NEURL1B: variants seen among roughly 807,000 people sequenced by gnomAD.
NEURL1B encodes E3 ubiquitin-protein ligase NEURL1B.
A neutral mutation model predicts 37.4 loss-of-function variants in NEURL1B; 13 were observed. The observed-to-expected ratio is 0.35, with a 90% CI of 0.23 to 0.55. NEURL1B has a LOEUF of 0.55. Among genes scored for constraint, NEURL1B ranks in the 20% least tolerant of loss-of-function variants. NEURL1B has a pLI of 0.89. For synonymous variants in NEURL1B, 432 were observed against 426.6 expected, an observed-to-expected ratio of 1.01 and a Z score of -0.16; for missense variants, 790 against 879.2, an observed-to-expected ratio of 0.90 and a Z score of 1.28.
chr5:172,668,038 A>T (rs958967983), intron 1 of NEURL1B, among the ~76,000 whole-genome samples: 6 of 151,950 alleles, frequency 3.9e-5, no homozygotes, highest in African/African-American at 1.5e-4. Flanking sequence ...TCTCTGCTCC[A>T]AAGCCACTCA....
Position 172,686,729 on chromosome 5 carries a change from C to G in NEURL1B, c.1472C>G (p.Ser491Cys). The change falls in exon 5 of 5, where the codon TCC (serine) becomes TGC (cysteine). Residue 491 changes from serine to cysteine, a missense_variant. Physicochemically the swap from Ser to Cys is moderately radical, Grantham distance 112. Around this residue, in one of 3 missense-constraint regions of NEURL1B, gnomAD observed 115 missense variants for 162.6 expected, o/e 0.71. Coordinates refer to ENST00000369800, the MANE Select transcript of NEURL1B (RefSeq NM_001142651.3). This position sits in a 1 kb window ranked among gnomAD's most constrained non-coding sequence, Gnocchi z 7.9. ...PLSPPVSPVF[S>C]PPEPAGIKNG... ...AGCCCCCCGGTGTCCCCCGTGTTCT[C>G]CCCACCGGAGCCGGCAGGCATCAAG... 1 of 1,551,360 alleles carries G rather than the reference C, an allele frequency of 6.4e-7. No individual in the cohort carries two copies. The highest frequency in any genetic ancestry group is 1.7e-4 in the Middle Eastern group (1 of 5,990).
rs191888839 is a variant in NEURL1B at position 172,687,066 on chromosome 5, G to A, written c.*141G>A. The A allele has an allele frequency of 2.9e-3, 2,988 of 1,029,884 alleles. 8 individuals are homozygous for A. Among genetic ancestry groups the A allele is most frequent in the Non-Finnish European group, 3.7e-3 (2,722 of 728,780 alleles). 63.8% of individuals were successfully genotyped at this position (1,029,884 alleles called of 1,614,324 possible). A position where few individuals can be genotyped will look rare whatever the true frequency, so the allele number is the denominator to read the frequency against. On this transcript the variant is annotated 3_prime_UTR_variant, in exon 5 of 5. Transcript: ENST00000369800. ...GGGCAAGGTGTGACAGTCGTGGAGC[G>A]AGGCCCACAGGGCCTCAGCCCAGGC...
chr5:172,652,085 C>T (rs1757676136), intron 1 of NEURL1B, among the ~76,000 whole-genome samples: 1 of 152,236 alleles, frequency 6.6e-6, no homozygotes, highest in Non-Finnish European at 1.5e-5. Flanking sequence ...AAGCTCACTG[C>T]ATCCCTTCAG....
Position 172,641,282 on chromosome 5 carries a change from G to C in NEURL1B, c.-125G>C, listed in dbSNP as rs113662804. ...CCGGCTCCCGCCCCAGCTGCCGCCC[G>C]CCGGCTCGCCCGTGCAGCTGCGATG... On this transcript the variant is annotated 5_prime_UTR_variant, in exon 1 of 5. Transcript: ENST00000369800. This position sits in a 1 kb window ranked among gnomAD's most constrained non-coding sequence, Gnocchi z 6.4. 1.1e-6 allele frequency: 1 copy of C among 874,018 alleles called. No individual in the cohort carries two copies. The highest frequency in any genetic ancestry group is 5.7e-5 in the South Asian group (1 of 17,696). The allele number at this position is 874,018 out of a possible 1,614,324, so 54.1% of individuals were successfully genotyped here. A position where few individuals can be genotyped will look rare whatever the true frequency, so the allele number is the denominator to read the frequency against.
chr5:172,670,357 G>A, intron 2 of NEURL1B, 27 bp downstream of exon 2: 2 of 1,340,152 alleles, frequency 1.5e-6, no homozygotes, highest in South Asian at 1.9e-5. Flanking sequence ...GCGCCCCCTG[G>A]GGACCTGGCA....
chr5:172,671,903 A>G (rs1368246401), intron 2 of NEURL1B, among the ~76,000 whole-genome samples: 2 of 152,270 alleles, frequency 1.3e-5, no homozygotes, highest in Non-Finnish European at 2.9e-5. Context: ...AGGGTGTTGG[A>G]TCACATAGAC....
intron 1 of NEURL1B, among the ~76,000 whole-genome samples, chr5:172,645,865 C>G (rs1197167445): frequency 6.6e-6 from 1 of 152,186 alleles, no homozygotes; most frequent in Non-Finnish European, 1.5e-5. Flanking sequence ...GAGGGAAAGT[C>G]AGCACCCAAC....
intron 1 of NEURL1B, among the ~76,000 whole-genome samples, chr5:172,664,045 T>C (rs1757959665): frequency 6.6e-6 from 1 of 151,730 alleles, no homozygotes; most frequent in Non-Finnish European, 1.5e-5. Flanking sequence ...TTGGGAGCGA[T>C]GTGGGGAAAT....
intron 1 of NEURL1B, among the ~76,000 whole-genome samples, chr5:172,648,759 C>A (rs1757605374): frequency 6.6e-6 from 1 of 152,250 alleles, no homozygotes; most frequent in Admixed American, 6.5e-5. Context: ...AGTTCTTTTA[C>A]TTTTCTTTGT....
At chr5:172,650,418 C>T (rs527508512) in intron 1 of NEURL1B, among the ~76,000 whole-genome samples, 160 of 152,268 alleles carry the variant, frequency 1.1e-3, no homozygotes, top group African/African-American at 3.7e-3. Context: ...CCAGCTCCCA[C>T]GTGGCAGATG....
intron 1 of NEURL1B, among the ~76,000 whole-genome samples, chr5:172,666,376 G>A (rs1341271015): frequency 6.6e-6 from 1 of 152,226 alleles, no homozygotes; most frequent in Non-Finnish European, 1.5e-5. Flanking sequence ...ACACTACGAG[G>A]ATTAAATGAT....
At chr5:172,643,923 C>T (rs967059486) in intron 1 of NEURL1B, among the ~76,000 whole-genome samples, 1 of 152,012 alleles carries the variant, frequency 6.6e-6, no homozygotes, top group Non-Finnish European at 1.5e-5. Context: ...CTCCCCGGCA[C>T]ATTCTTCTGC....
At chr5:172,672,544 C>CCCG (rs776265873) in intron 2 of NEURL1B, among the ~76,000 whole-genome samples, 24 of 147,218 alleles carry the variant, frequency 1.6e-4, no homozygotes, top group African/African-American at 5.8e-4. Context: ...GAACTCTCCC[C>CCCG]CCCCCACTCT....
At chr5:172,674,054 C>T (rs1236770691) in intron 2 of NEURL1B, among the ~76,000 whole-genome samples, 3 of 151,912 alleles carry the variant, frequency 2.0e-5, no homozygotes, top group Non-Finnish European at 2.9e-5. Flanking sequence ...GCAGAAGAAT[C>T]GCTTGAACCC....
chr5:172,655,797 C>G (rs1757764505), intron 1 of NEURL1B, among the ~76,000 whole-genome samples: 1 of 148,872 alleles, frequency 6.7e-6, no homozygotes, highest in South Asian at 2.1e-4. Context: ...GGTCTTGTTT[C>G]TAACCCTTGA....
chr5:172,670,462 C>G, intron 2 of NEURL1B, 132 bp downstream of exon 2: 3 of 665,778 alleles, frequency 4.5e-6, no homozygotes, highest in Middle Eastern at 4.6e-4. Flanking sequence ...CGCTTTACGC[C>G]TTTTAACTAA....
Position 172,641,308 on chromosome 5 carries a change from C to T in NEURL1B, c.-99C>T, listed in dbSNP as rs1757453467. 3.7e-6 allele frequency: 4 copies of T among 1,090,722 alleles called. No homozygotes were observed. Among genetic ancestry groups the T allele is most frequent in the African/African-American group, 1.6e-5 (1 of 61,134 alleles). The allele number at this position is 1,090,722 out of a possible 1,614,324, so 67.6% of individuals were successfully genotyped here. On this transcript the variant is annotated 5_prime_UTR_variant, in exon 1 of 5. Transcript: ENST00000369800. The surrounding 1 kb of genome is among the most constrained non-coding windows in gnomAD (Gnocchi z 6.4). The stretch of plus-strand genomic sequence containing the variant: ...CCGGCTCGCCCGTGCAGCTGCGATG[C>T]CCCGGAGCGTCGACCCCGGTCCTGG...
intron 1 of NEURL1B, among the ~76,000 whole-genome samples, chr5:172,654,419 G>A (rs890526390): frequency 1.3e-5 from 2 of 152,168 alleles, no homozygotes; most frequent in Admixed American, 6.5e-5. Flanking sequence ...CCTGAAGGGA[G>A]CTCCTCCTAG....
At chr5:172,667,491 A>T (rs1418240781) in intron 1 of NEURL1B, among the ~76,000 whole-genome samples, 2 of 151,820 alleles carry the variant, frequency 1.3e-5, no homozygotes, top group African/African-American at 4.8e-5. Context: ...AATTTGTTTT[A>T]TCTATTAAAT....
Sources: allele counts gnomAD v4.1 joint callset (sites outside exome capture counted in the v4.1 genomes callset), GRCh38; gene constraint gnomAD v4.1.1; regional missense constraint gnomAD v4.1.1; non-coding constraint Gnocchi (gnomAD v3.1); transcripts MANE v1.5; gene names NCBI Gene and HGNC (gene_info 2026-07-23, HGNC 2026-07-21).